Variants in BEST1 observed in about 807,000 individuals in gnomAD.
BEST1 encodes the protein bestrophin 1.
Under a neutral mutation model 63.3 loss-of-function variants are expected in BEST1, and 58 were observed. The ratio of observed to expected loss-of-function variants is 0.92; its 90% CI spans 0.74 to 1.14. BEST1 has a LOEUF of 1.14. Ranked by LOEUF, BEST1 falls within the 50% of genes most tolerant of loss-of-function variation. The pLI, the probability that BEST1 is intolerant of heterozygous loss-of-function variation, is 0.00. For missense variants in BEST1, 671 were observed against 740.1 expected, an observed-to-expected ratio of 0.91 and a Z score of 1.08; for synonymous variants, 283 against 291.6, an observed-to-expected ratio of 0.97 and a Z score of 0.30.
At chr11:61,958,112 G>A in intron 6 of BEST1, 34 bp from the exon 7 acceptor site, 1 of 1,473,454 alleles carries the variant, frequency 6.8e-7, no homozygotes, top group Non-Finnish European at 9.1e-7. Context: ...TTCCCACCTA[G>A]CCCTTTGCTA....
chr11:61,951,696 A>T, intron 1 of BEST1, 75 bp from the exon 2 acceptor site: 1 of 1,461,434 alleles, frequency 6.8e-7, no homozygotes, highest in Non-Finnish European at 9.4e-7. Context: ...GGTCCAGAGC[A>T]GGGAAGGGTC....
rs2134444782 is a variant in BEST1 at position 61,958,144 on chromosome 11, A to C, written c.715-2A>C. 1 of 490,622 alleles carries C rather than the reference A, an allele frequency of 2.0e-6. No homozygotes were observed. The highest frequency in any genetic ancestry group is 3.1e-6 in the Non-Finnish European group (1 of 320,136). The allele number at this position is 490,622 out of a possible 1,614,324, so 30.4% of individuals were successfully genotyped here. The stretch of plus-strand genomic sequence containing the variant: ...GCTACCACATCCTCCTCCTCCTCCC[A>C]GGTGGTGACTGTGGCGGTGTACAGC... On this transcript the variant is annotated splice_acceptor_variant, in intron 6 of 10. Transcript: ENST00000378043. LOFTEE classifies it high-confidence loss of function.
intron 1 of BEST1, 73 bp from the exon 2 acceptor site, chr11:61,951,698 G>A: frequency 1.3e-6 from 2 of 1,484,414 alleles, no homozygotes; most frequent in Non-Finnish European, 1.9e-6. Context: ...TCCAGAGCAG[G>A]GAAGGGTCCT....
chr11:61,956,694 A>C, intron 4 of BEST1, 150 bp from the exon 5 acceptor site: 1 of 891,728 alleles, frequency 1.1e-6, no homozygotes, highest in Non-Finnish European at 1.9e-6. Context: ...TGCTCAGCCC[A>C]GAACAGCACC....
Position 61,960,008 on chromosome 11 carries a change from T to C in BEST1, c.1065T>C (p.Arg355=), listed in dbSNP as rs764237648. Residue 355 remains arginine, a synonymous_variant, in exon 9 of 11, where the codon CGT becomes CGC. Coordinates refer to ENST00000378043, the MANE Select transcript of BEST1 (RefSeq NM_004183.4). ...PPYTAASAQF[R]RASFMGSTFN... ...ACACAGCTGCTTCCGCCCAGTTCCG[T>C]CGAGCCTCCTTTATGGGCTCCACCT... The C allele has an allele frequency of 6.2e-7, 1 of 1,610,920 alleles. No individual in the cohort carries two copies. Among genetic ancestry groups the C allele is most frequent in the East Asian group, 2.2e-5 (1 of 44,812 alleles).
chr11:61,962,124 G>T lies in BEST1; in HGVS notation c.1101-131G>T, dbSNP rs555849871. ...GATCAGGAGAGAGGTGAGAGCTGGGGCATGGTGAGGAAGACGGTGTGGCCT... is the reference window on the plus strand; with the variant it reads ...GATCAGGAGAGAGGTGAGAGCTGGGTCATGGTGAGGAAGACGGTGTGGCCT... On this transcript the variant is annotated intron_variant, in intron 9 of 10. Coordinates refer to ENST00000378043, the MANE Select transcript of BEST1 (RefSeq NM_004183.4). 112 of 892,722 alleles carry T rather than the reference G, an allele frequency of 1.3e-4. No homozygotes were observed. The South Asian group carries it at 1.6e-3, about 13-fold the overall frequency. 55.3% of individuals were successfully genotyped at this position (892,722 alleles called of 1,614,324 possible).
At chr11:61,957,573 G>A in intron 6 of BEST1, 109 bp downstream of exon 6, 1 of 1,045,246 alleles carries the variant, frequency 9.6e-7, no homozygotes, top group Non-Finnish European at 1.5e-6. Flanking sequence ...GCTCCCCTGG[G>A]AGTTGGGTCC....
chr11:61,962,159 C>A, intron 9 of BEST1, 96 bp from the exon 10 acceptor site: 2 of 1,397,496 alleles, frequency 1.4e-6, no homozygotes, highest in South Asian at 1.2e-5. Context: ...TTGGCTTGGG[C>A]CAACTGAGAG....
At chr11:61,957,356 C>G (rs1941485947) in intron 5 of BEST1, 31 bp from the exon 6 acceptor site, 1 of 1,601,338 alleles carries the variant, frequency 6.2e-7, no homozygotes, top group African/African-American at 1.3e-5. Context: ...AGGTGGTGTT[C>G]AGAACCCCAT....
At position 61,963,981 on chromosome 11, in the gene BEST1, A is replaced by G. The variant is rs1422624540; in HGVS notation, c.1740-123A>G. 9 of 1,522,592 alleles carry G rather than the reference A, an allele frequency of 5.9e-6. No homozygotes were observed. The African/African-American group carries it at 5.9e-5, about 10-fold the overall frequency. The allele number at this position is 1,522,592 out of a possible 1,614,324, so 94.3% of individuals were successfully genotyped here. A position where few individuals can be genotyped will look rare whatever the true frequency, so the allele number is the denominator to read the frequency against. On this transcript the variant is annotated intron_variant, in intron 10 of 10. Coordinates refer to ENST00000378043, the MANE Select transcript of BEST1 (RefSeq NM_004183.4). The stretch of plus-strand genomic sequence containing the variant: ...GCAATCCAGCCTGGGCGACGGAGTG[A>G]GACTGTCTCAAAAAAAAAAAAAAAA...
intron 9 of BEST1, chr11:61,960,340 C>T (rs534628076): frequency 2.0e-5 from 10 of 505,788 alleles, no homozygotes; most frequent in South Asian, 6.7e-5. Context: ...TGCAGTGGAA[C>T]GTTAGGACCT....
At position 61,951,875 on chromosome 11, in the gene BEST1, C is replaced by T. The variant is rs1465486114; in HGVS notation, c.69C>T (p.Cys23=). 4 of 1,613,524 alleles carry T rather than the reference C, an allele frequency of 2.5e-6. No homozygotes were observed. Among genetic ancestry groups the T allele is most frequent in the Non-Finnish European group, 3.4e-6 (4 of 1,180,028 alleles). The change falls in exon 2 of 11, where the codon TGC becomes TGT. Residue 23 remains cysteine (C), a synonymous_variant. Coordinates refer to ENST00000378043, the MANE Select transcript of BEST1 (RefSeq NM_004183.4). The part of the protein sequence containing the change: ...RLGSFSRLLL[C]WRGSIYKLLY... ...GCTCCTTCTCCCGCCTGCTGCTGTGCTGGCGGGGCAGCATCTACAAGCTGC... is the reference window on the plus strand; with the variant it reads ...GCTCCTTCTCCCGCCTGCTGCTGTGTTGGCGGGGCAGCATCTACAAGCTGC...
In BEST1 at chr11:61,956,877, A is replaced by G. The variant is rs752607915; in HGVS notation, c.515A>G (p.Glu172Gly). The G allele has an allele frequency of 4.3e-6, 7 of 1,614,006 alleles. No individual in the cohort carries two copies. The East Asian group carries it at 6.7e-5, about 15-fold the overall frequency. The change falls in exon 5 of 11, where the codon GAG becomes GGG. Residue 172 changes from glutamate (E) to glycine (G), a missense_variant. Coordinates refer to ENST00000378043, the MANE Select transcript of BEST1 (RefSeq NM_004183.4). ...ACTCCGGCAGAACACAAGCAGTTGG[A>G]GAAACTGAGCCTACCACACAACATG... Reference protein sequence around the residue: ...FMTPAEHKQLEKLSLPHNMFW... With the variant: ...FMTPAEHKQLGKLSLPHNMFW...
chr11:61,955,064 C>T, intron 2 of BEST1, 43 bp from the exon 3 acceptor site: 1 of 1,611,656 alleles, frequency 6.2e-7, no homozygotes, highest in Non-Finnish European at 8.5e-7. Flanking sequence ...TCAGCCATCT[C>T]CTCGCTGCGT....
Position 61,962,842 on chromosome 11 carries a change from TACAC to T in BEST1, c.1691_1694del (p.His564LeufsTer44). On this transcript the variant is annotated frameshift_variant, in exon 10 of 11. Transcript: ENST00000378043. LOFTEE classifies it low-confidence loss of function (END_TRUNC). ...CCTTTGGAACAATCACCAACCAACA[TACAC>T]ACTACACTCAAAGATCACATGGATC... is the stretch of plus-strand genomic sequence containing the variant. 1 of 1,614,074 alleles carries T rather than the reference TACAC, an allele frequency of 6.2e-7. No individual in the cohort carries two copies. The highest frequency in any genetic ancestry group is 2.2e-5 in the East Asian group (1 of 44,876).
At chr11:61,963,608 C>T (rs1317686482) in intron 10 of BEST1, 6 of 1,026,276 alleles carry the variant, frequency 5.8e-6, no homozygotes, top group Non-Finnish European at 7.0e-6. Flanking sequence ...GATTCTCAAG[C>T]AGTTACTTTC....
At chr11:61,957,745 G>A (rs1941539415) in intron 6 of BEST1, among the ~76,000 whole-genome samples, 1 of 152,200 alleles carries the variant, frequency 6.6e-6, no homozygotes, top group Non-Finnish European at 1.5e-5. Context: ...GGGAAGCTGA[G>A]GCAGGTGGAT....
In BEST1 at chr11:61,962,551, G is replaced by C. The variant is rs953030989; in HGVS notation, c.1397G>C (p.Ser466Thr). Residue 466 changes from serine (S) to threonine (T), a missense_variant, in exon 10 of 11, where the codon AGT (serine) becomes ACT (threonine). Physicochemically the swap from Ser to Thr is moderately conservative, Grantham distance 58. Transcript: ENST00000378043. Reference sequence around the variant, plus strand: ...CTGTATCAGAGGCCAGGCTACTACAGTGCCCCACAGACGCCCCTCAGCCCC... The same window carrying C: ...CTGTATCAGAGGCCAGGCTACTACACTGCCCCACAGACGCCCCTCAGCCCC... Reference protein sequence around the residue: ...APLYQRPGYYSAPQTPLSPTP... With the variant: ...APLYQRPGYYTAPQTPLSPTP... 6.2e-7 allele frequency: 1 copy of C among 1,614,180 alleles called. No individual in the cohort carries two copies. Among genetic ancestry groups the C allele is most frequent in the Non-Finnish European group, 8.5e-7 (1 of 1,180,022 alleles).
At chr11:61,963,383 A>G (rs1942280902) in intron 10 of BEST1, 2 of 1,251,414 alleles carry the variant, frequency 1.6e-6, no homozygotes, top group Non-Finnish European at 2.0e-6. Flanking sequence ...AGGAACTGGT[A>G]GATGGTGAGG....
Sources: gnomAD v4.1 joint callset for allele counts (sites outside exome capture counted in the v4.1 genomes callset) on GRCh38, gnomAD v4.1.1 for gene constraint, MANE v1.5 for transcripts, NCBI Gene and HGNC (gene_info 2026-07-23, HGNC 2026-07-21) for gene names.